The following COL28A1 variants were observed in gnomAD, a reference collection of about 807,000 sequenced individuals.
COL28A1 encodes the protein collagen type XXVIII alpha 1 chain, also known as collagen alpha-1(XXVIII) chain.
COL28A1 carries 161 observed loss-of-function variants against 150.2 expected under a neutral mutation model. The ratio of observed to expected loss-of-function variants is 1.07; its 90% CI spans 0.94 to 1.22. The LOEUF is 1.22. Ranked by LOEUF, COL28A1 falls within the 50% of genes most tolerant of loss-of-function variation. The probability of loss-of-function intolerance (pLI) is 0.00; values close to 1 mark genes in which losing one functional copy is unlikely to be tolerated. For synonymous variants in COL28A1, 552 were observed against 469.7 expected, an observed-to-expected ratio of 1.18 and a Z score of -2.26; for missense variants, 1,617 against 1,388.3, an observed-to-expected ratio of 1.16 and a Z score of -2.62.
chr7:7,393,031 G>C (rs1782636002), intron 27 of COL28A1, among the ~76,000 whole-genome samples: 1 of 152,148 alleles, frequency 6.6e-6, no homozygotes, highest in Non-Finnish European at 1.5e-5. Flanking sequence ...GCGAGGAGTT[G>C]TGATCCTTTG....
the COL28A1 span, among the ~76,000 whole-genome samples, chr7:7,342,904 T>A: frequency 1.8e-3 from 270 of 152,168 alleles, no homozygotes; most frequent in Middle Eastern, 0.014. Flanking sequence ...ATCCTTTTTT[T>A]TATATAACTT....
chr7:7,443,986 GTTTTT>G (rs71010980), intron 19 of COL28A1, among the ~76,000 whole-genome samples: 2 of 95,546 alleles, frequency 2.1e-5, no homozygotes, highest in Non-Finnish European at 4.1e-5. Flanking sequence ...TCCATCTGCT[GTTTTT>G]TTTTTTTTTT....
rs151152982 is a variant in COL28A1 at position 7,452,953 on chromosome 7, A to G, written c.1440+487T>C. On this transcript the variant is annotated intron_variant, in intron 17 of 34. Transcript: ENST00000399429. ...AGCAATATTAAGGATAACTAGTTAA[A>G]TAAGTGCCATGCTCCTCCTCAAGGA... Among the ~76,000 whole-genome samples, 462 of 152,380 alleles carry G rather than the reference A, an allele frequency of 3.0e-3. 1 individual carries two copies. The highest frequency in any genetic ancestry group is 0.011 in the African/African-American group (444 of 41,602).
intron 34 of COL28A1, among the ~76,000 whole-genome samples, 154 bp from the exon 35 acceptor site, chr7:7,358,959 C>G (rs1322521930): frequency 6.6e-6 from 1 of 152,042 alleles, no homozygotes; most frequent in African/African-American, 2.4e-5. Context: ...GAAGGATTCC[C>G]TAAAACCCAA....
intron 34 of COL28A1, 68 bp downstream of exon 34, chr7:7,360,322 C>T (rs1780578098): frequency 4.9e-6 from 7 of 1,420,510 alleles, no homozygotes; most frequent in Non-Finnish European, 6.5e-6. Context: ...TCTCTCTTTC[C>T]TTTGTGCACC....
At chr7:7,387,301 A>C (rs1454870278) in intron 27 of COL28A1, among the ~76,000 whole-genome samples, 1 of 152,202 alleles carries the variant, frequency 6.6e-6, no homozygotes, top group Non-Finnish European at 1.5e-5. Context: ...GCTGGAACAC[A>C]TAAAACTGCA....
Position 7,440,863 on chromosome 7 carries a change from T to A in COL28A1, c.1651-2A>T. On this transcript the variant is annotated splice_acceptor_variant, in intron 20 of 34. Transcript: ENST00000399429. LOFTEE classifies it high-confidence loss of function. ...GCTCCCTTTCTTGCCTTCGTCACCC[T>A]AACAAAATAATTATGAAAATATAGA... is the stretch of plus-strand genomic sequence containing the variant. The A allele has an allele frequency of 6.9e-7, 1 of 1,440,902 alleles. No homozygotes were observed. Among genetic ancestry groups the A allele is most frequent in the South Asian group, 1.1e-5 (1 of 87,040 alleles). 89.3% of individuals were successfully genotyped at this position (1,440,902 alleles called of 1,614,324 possible). A position where few individuals can be genotyped will look rare whatever the true frequency, so the allele number is the denominator to read the frequency against.
chr7:7,362,350 C>CTTGA (rs34255708), intron 33 of COL28A1, among the ~76,000 whole-genome samples: 1 of 151,694 alleles, frequency 6.6e-6, no homozygotes, highest in Admixed American at 6.6e-5. Context: ...AAGAGTTTCT[C>CTTGA]TTATTTGTTT....
At chr7:7,343,717 G>T in the COL28A1 span, among the ~76,000 whole-genome samples, 1 of 151,898 alleles carries the variant, frequency 6.6e-6, no homozygotes, top group African/African-American at 2.4e-5. Flanking sequence ...TATTTAAAGT[G>T]CATTTATGGG....
chr7:7,372,974 C>T (rs200786801), intron 32 of COL28A1, 24 bp downstream of exon 32: 1 of 1,596,454 alleles, frequency 6.3e-7, no homozygotes, highest in South Asian at 1.1e-5. Flanking sequence ...ATGCCTTTCC[C>T]CTGGGCCAGA....
Position 7,474,587 on chromosome 7 carries a change from C to CTT in COL28A1, c.1302+13_1302+14insAA. 1 of 1,019,598 alleles carries CTT rather than the reference C, an allele frequency of 9.8e-7. No individual in the cohort carries two copies. Among genetic ancestry groups the CTT allele is most frequent in the Non-Finnish European group, 1.6e-6 (1 of 637,508 alleles). The allele number at this position is 1,019,598 out of a possible 1,614,324, so 63.2% of individuals were successfully genotyped here. On this transcript the variant is annotated intron_variant, in intron 15 of 34. Transcript: ENST00000399429. ...ATTGGCATTGTTTCCAGTGTACACC[C>CTT]TATTATACAGTACCTTCTCCCCTTT...
At position 7,397,962 on chromosome 7, in the gene COL28A1, CAG is replaced by C. The variant is rs1450882377; in HGVS notation, c.2137-16352_2137-16351del. Reference sequence around the variant, plus strand: ...CATGAGAATATTTTTGCATTTGCCTCAGAGTGTTCATTTCATGCAAAATGCTT... The same window carrying C: ...CATGAGAATATTTTTGCATTTGCCTCAGTGTTCATTTCATGCAAAATGCTT... On this transcript the variant is annotated intron_variant, in intron 27 of 34. Transcript: ENST00000399429. 3.3e-5 allele frequency among the ~76,000 whole-genome samples: 5 copies of C among 152,324 alleles called. No homozygotes were observed. The East Asian group carries it at 9.6e-4, about 29-fold the overall frequency.
rs1298190651 is a variant in COL28A1 at position 7,466,402 on chromosome 7, G to C, written c.1302+8199C>G. Among the ~76,000 whole-genome samples, 39 of 140,104 alleles carry C rather than the reference G, an allele frequency of 2.8e-4. 3 individuals carry two copies. The highest frequency in any genetic ancestry group is 4.5e-4 in the Non-Finnish European group (29 of 64,612). 91.9% of individuals were successfully genotyped at this position (140,104 alleles called of 152,430 possible). ...GAAATGAAGAGAGAAGGGAAGTTTA[G>C]AGAAAAAAGAATAAAAAGAAATGAG... On this transcript the variant is annotated intron_variant, in intron 15 of 34. Transcript: ENST00000399429.
In COL28A1 at chr7:7,520,068, TC is replaced by T. The variant is rs778937506; in HGVS notation, c.806del (p.Gly269GlufsTer37). The part of the protein sequence containing the change: ...PGIKGERGPK[G>X]NPGNAQKGEA... ...AAGCTGTTTATTCATTTACCGGGTT[TC>T]CTTTTGGTCCTCGCTCACCTTTGAT... On this transcript the variant is annotated frameshift_variant, in exon 6 of 35. Coordinates refer to ENST00000399429, the MANE Select transcript of COL28A1 (RefSeq NM_001037763.3). LOFTEE classifies it high-confidence loss of function. The T allele has an allele frequency of 8.7e-6, 12 of 1,379,432 alleles. No homozygotes were observed. Among genetic ancestry groups the T allele is most frequent in the South Asian group, 2.3e-5 (2 of 85,144 alleles). 85.4% of individuals were successfully genotyped at this position (1,379,432 alleles called of 1,614,324 possible).
intron 34 of COL28A1, among the ~76,000 whole-genome samples, 156 bp downstream of exon 34, chr7:7,360,234 T>G (rs1300679901): frequency 6.6e-6 from 1 of 152,216 alleles, no homozygotes; most frequent in African/African-American, 2.4e-5. Flanking sequence ...TTGTCCTGCT[T>G]GTTTAGAATC....
intron 25 of COL28A1, among the ~76,000 whole-genome samples, chr7:7,430,689 A>T (rs1046347157): frequency 1.3e-5 from 2 of 152,166 alleles, no homozygotes; most frequent in Non-Finnish European, 2.9e-5. Flanking sequence ...TTCAATATAC[A>T]AGTTTTTACC....
In COL28A1 at chr7:7,373,911, A is replaced by G. The variant is rs200454403; in HGVS notation, c.2360-365T>C. Among the ~76,000 whole-genome samples, 83 of 151,130 alleles carry G rather than the reference A, an allele frequency of 5.5e-4. 1 individual carries two copies. The East Asian group carries it at 8.0e-3, about 15-fold the overall frequency. On this transcript the variant is annotated intron_variant, in intron 31 of 34. Transcript: ENST00000399429. The surrounding 1 kb of genome is among the most constrained non-coding windows in gnomAD (Gnocchi z 4.1). Reference sequence around the variant, plus strand: ...AGACAGGGTTTCACCGTGTTAGCCAAGATGGTCTCGATCTCCTGACCTCGT... The same window carrying G: ...AGACAGGGTTTCACCGTGTTAGCCAGGATGGTCTCGATCTCCTGACCTCGT...
At position 7,381,537 on chromosome 7, in the gene COL28A1, C is replaced by A. The variant is rs762201820; in HGVS notation, c.2205+7G>T. 6.2e-7 allele frequency: 1 copy of A among 1,610,402 alleles called. No homozygotes were observed. The highest frequency in any genetic ancestry group is 1.1e-5 in the South Asian group (1 of 90,862). ...TAAGCATTTCTCTAAGATCCTGAGA[C>A]ACTTACCTTCTGGCCTGGGAGGCCA... On this transcript the variant is annotated splice_region_variant and intron_variant, in intron 28 of 34. Coordinates refer to ENST00000399429, the MANE Select transcript of COL28A1 (RefSeq NM_001037763.3).
chr7:7,382,329 A>C (rs1414927206), intron 27 of COL28A1, among the ~76,000 whole-genome samples: 2 of 152,084 alleles, frequency 1.3e-5, no homozygotes, highest in South Asian at 2.1e-4. Flanking sequence ...AAACAGAAAA[A>C]AAATGTCATT....
Sources: allele counts gnomAD v4.1 joint callset (sites outside exome capture counted in the v4.1 genomes callset), GRCh38; gene constraint gnomAD v4.1.1; non-coding constraint Gnocchi (gnomAD v3.1); transcripts MANE v1.5; gene names NCBI Gene and HGNC (gene_info 2026-07-23, HGNC 2026-07-21).